The following NTM variants were observed in gnomAD, a reference collection of about 807,000 sequenced individuals.
The protein encoded by NTM is neurotrimin, also known as IgLON family member 2.
In NTM, 13 loss-of-function variants were observed where a neutral mutation model predicts 42.1. The ratio of observed to expected loss-of-function variants is 0.31; its 90% CI spans 0.20 to 0.49. The LOEUF (loss-of-function observed/expected upper bound fraction) is 0.49. NTM is among the 20% of genes least tolerant of loss of function. The pLI, the probability that NTM is intolerant of heterozygous loss-of-function variation, is 0.99. For missense variants in NTM, 373 were observed against 452.8 expected (o/e 0.82, Z 1.60); for synonymous variants, 187 against 179.2 (o/e 1.04, Z -0.35).
At chr11:132,309,881 C>T (rs770729651) in intron 5 of NTM, among the ~76,000 whole-genome samples, 1 of 152,034 alleles carries the variant, frequency 6.6e-6, no homozygotes, top group South Asian at 2.1e-4. Context: ...CATGGTGAAA[C>T]CCCGTCGCTG....
chr11:131,507,928 A>T (rs1279728896), intron 1 of NTM, among the ~76,000 whole-genome samples: 1 of 152,198 alleles, frequency 6.6e-6, no homozygotes, highest in Non-Finnish European at 1.5e-5. Context: ...AAACCATAAA[A>T]ACCCTAGAAG....
intron 4 of NTM, among the ~76,000 whole-genome samples, chr11:132,306,963 A>C (rs1264505739): frequency 1.3e-5 from 2 of 152,150 alleles, no homozygotes; most frequent in Non-Finnish European, 2.9e-5. Flanking sequence ...TTTTCACTGA[A>C]GACAATGAGT....
intron 1 of NTM, among the ~76,000 whole-genome samples, chr11:131,391,816 A>G (rs1218717731): frequency 2.0e-5 from 3 of 152,138 alleles, no homozygotes; most frequent in Admixed American, 6.5e-5. Context: ...TGAATATGTC[A>G]GATTTAATGC....
intron 4 of NTM, among the ~76,000 whole-genome samples, chr11:132,298,068 A>G (rs2094691386): frequency 1.3e-5 from 2 of 152,176 alleles, no homozygotes; most frequent in South Asian, 4.1e-4. Flanking sequence ...TGGTGTCAGG[A>G]GAACCTTAAC....
intron 4 of NTM, among the ~76,000 whole-genome samples, chr11:132,280,472 CTTCTTTTTTTTTTT>C (rs1453436803): frequency 3.2e-5 from 4 of 125,674 alleles, no homozygotes; most frequent in South Asian, 2.9e-4. Flanking sequence ...CTGATACTCT[CTTCTTTTTTTTTTT>C]TTTTTTTTTT....
chr11:132,116,429 G>A (rs185171748), intron 2 of NTM, among the ~76,000 whole-genome samples: 1 of 152,294 alleles, frequency 6.6e-6, no homozygotes, highest in East Asian at 1.9e-4. Context: ...CAGAGGGAGA[G>A]GAAGCCTGGG....
At chr11:131,612,592 CAT>C (rs754710386) in intron 1 of NTM, among the ~76,000 whole-genome samples, 1 of 152,230 alleles carries the variant, frequency 6.6e-6, no homozygotes, top group Non-Finnish European at 1.5e-5. Context: ...AGATGTCAAA[CAT>C]GTGCTTATTG....
intron 4 of NTM, among the ~76,000 whole-genome samples, chr11:132,271,645 A>C (rs1461154574): frequency 1.3e-5 from 2 of 151,994 alleles, no homozygotes; most frequent in African/African-American, 4.8e-5. Flanking sequence ...CCTGAGGGCT[A>C]ATGATAGGAA....
intron 1 of NTM, among the ~76,000 whole-genome samples, chr11:131,507,276 G>A (rs957271410): frequency 2.6e-5 from 4 of 151,812 alleles, no homozygotes; most frequent in African/African-American, 4.8e-5. Context: ...TCTACATATG[G>A]CTAGCCAGTT....
intron 2 of NTM, among the ~76,000 whole-genome samples, chr11:131,940,222 T>G (rs1473157492): frequency 1.3e-5 from 2 of 152,320 alleles, no homozygotes; most frequent in Middle Eastern, 3.4e-3. Context: ...GATTGTGGTT[T>G]CTTATATTTA....
At chr11:132,018,942 T>C (rs1361373889) in intron 2 of NTM, among the ~76,000 whole-genome samples, 1 of 152,022 alleles carries the variant, frequency 6.6e-6, no homozygotes, top group African/African-American at 2.4e-5. Flanking sequence ...TTTTTGGAAA[T>C]GTGTGTCTTT....
intron 1 of NTM, among the ~76,000 whole-genome samples, chr11:131,702,212 T>G (rs2076148030): frequency 6.6e-6 from 1 of 152,196 alleles, no homozygotes; most frequent in Non-Finnish European, 1.5e-5. Flanking sequence ...CACTTGGAAC[T>G]CCTGATCTAT....
In NTM at chr11:132,331,258, C is replaced by G. The variant is rs60539322; in HGVS notation, c.967+1073C>G. On this transcript the variant is annotated intron_variant, in intron 8 of 8. Coordinates refer to ENST00000683400, the MANE Select transcript of NTM (RefSeq NM_001352005.2). The stretch of plus-strand genomic sequence containing the variant: ...CATGGTAGAAAGGGAGATAATAATT[C>G]TCATCTCCTACATGAGTGTCATTAA... Among the ~76,000 whole-genome samples, 1,358 of 152,312 alleles carry G rather than the reference C, an allele frequency of 8.9e-3. 15 individuals are homozygous for G. Among genetic ancestry groups the G allele is most frequent in the African/African-American group, 0.031 (1,303 of 41,554 alleles).
intron 1 of NTM, among the ~76,000 whole-genome samples, chr11:131,906,131 C>T (rs2053819912): frequency 6.6e-6 from 1 of 152,136 alleles, no homozygotes; most frequent in Admixed American, 6.5e-5. Flanking sequence ...GTTCCTGGTA[C>T]ACACAAGGAA....
chr11:131,944,841 G>A (rs1351275441), intron 2 of NTM, among the ~76,000 whole-genome samples: 1 of 152,228 alleles, frequency 6.6e-6, no homozygotes, highest in Non-Finnish European at 1.5e-5. Context: ...GACATGTGTA[G>A]TGCGGAGAAC....
chr11:131,424,075 A>T (rs1266434504), intron 1 of NTM, among the ~76,000 whole-genome samples: 2 of 151,964 alleles, frequency 1.3e-5, no homozygotes, highest in Non-Finnish European at 2.9e-5. Context: ...ATGCAAATAA[A>T]CTCTAATGAC....
chr11:132,251,122 G>T (rs2091894967), intron 4 of NTM, among the ~76,000 whole-genome samples: 1 of 152,200 alleles, frequency 6.6e-6, no homozygotes, highest in Admixed American at 6.5e-5. Flanking sequence ...TTCTTGGAGA[G>T]AATGTTTGTC....
At chr11:131,413,966 TA>T (rs906717601) in intron 1 of NTM, among the ~76,000 whole-genome samples, 1 of 151,904 alleles carries the variant, frequency 6.6e-6, no homozygotes, top group Non-Finnish European at 1.5e-5. Context: ...TCTGGTAGAG[TA>T]ATAGAATCCT....
At chr11:131,512,585 C>A (rs58170219) in intron 1 of NTM, among the ~76,000 whole-genome samples, 3,437 of 152,312 alleles carry the variant, frequency 0.023, 129 homozygotes, top group African/African-American at 0.076. Flanking sequence ...CTCAGTTTCT[C>A]TCAGCTAGGC....
Sources: gnomAD v4.1 joint callset for allele counts (sites outside exome capture counted in the v4.1 genomes callset) on GRCh38, gnomAD v4.1.1 for gene constraint, MANE v1.5 for transcripts, NCBI Gene and HGNC (gene_info 2026-07-23, HGNC 2026-07-21) for gene names.